CACNG8: variants seen among roughly 807,000 people sequenced by gnomAD.
CACNG8 encodes the protein calcium voltage-gated channel auxiliary subunit gamma 8, also known as voltage-dependent calcium channel gamma-8 subunit.
In CACNG8, 5 loss-of-function variants were observed where a neutral mutation model predicts 26.9. That is an observed-to-expected ratio of 0.19 (90% CI 0.10 to 0.39). The LOEUF (loss-of-function observed/expected upper bound fraction) is 0.39. CACNG8 is among the 10% of genes least tolerant of loss of function. The pLI is 1.00. For synonymous variants in CACNG8, 321 were observed against 296.7 expected, an observed-to-expected ratio of 1.08 and a Z score of -0.84; for missense variants, 473 against 609.4, an observed-to-expected ratio of 0.78 and a Z score of 2.36.
At chr19:53,977,996 G>T in intron 1 of CACNG8, 150 bp from the exon 2 acceptor site, 1 of 602,256 alleles carries the variant, frequency 1.7e-6, no homozygotes, top group Non-Finnish European at 3.1e-6. Flanking sequence ...CCCATATCAC[G>T]AGTCGGGCTC....
Position 53,963,172 on chromosome 19 carries a change from G to T in CACNG8, c.30G>T (p.Glu10Asp). ...AGTCGCTGAAGCGCTGGAACGAAGA[G>T]CGGGGCCTCTGGTGCGAGAAGGGGG... Residue 10 changes from glutamate to aspartate, a missense_variant, in exon 1 of 4, where the codon GAG becomes GAT. Around this residue, in one of 6 missense-constraint regions of CACNG8, gnomAD observed 26 missense variants for 23.8 expected, o/e 1.09. Transcript: ENST00000270458. 6.4e-7 allele frequency: 1 copy of T among 1,564,626 alleles called. No homozygotes were observed. Among genetic ancestry groups the T allele is most frequent in the Non-Finnish European group, 8.6e-7 (1 of 1,157,774 alleles).
At chr19:53,976,084 C>G (rs905223054) in intron 1 of CACNG8, among the ~76,000 whole-genome samples, 2 of 152,240 alleles carry the variant, frequency 1.3e-5, no homozygotes, top group Admixed American at 6.5e-5. Context: ...GTGGCTCATG[C>G]CTGTAGTCCC....
rs1412917394 is a variant in CACNG8 at position 53,982,594 on chromosome 19, G to GGGCGCCGGGGGC, written c.1028_1039dup (p.Ala343_Gly346dup). On this transcript the variant is annotated inframe_insertion, in exon 4 of 4. Transcript: ENST00000270458. This position sits in a 1 kb window ranked among gnomAD's most constrained non-coding sequence, Gnocchi z 8.4. ...TGGGGGCGTTCGGCGGCGCGGCCGG[G>GGGCGCCGGGGGC]GGCGCCGGGGGCGGCGGCGGAGGCG... 1 of 955,524 alleles carries GGGCGCCGGGGGC rather than the reference G, an allele frequency of 1.0e-6. No homozygotes were observed. The highest frequency in any genetic ancestry group is 1.2e-4 in the East Asian group (1 of 8,648). 59.2% of individuals were successfully genotyped at this position (955,524 alleles called of 1,614,324 possible).
At chr19:53,973,247 C>T (rs982980665) in intron 1 of CACNG8, among the ~76,000 whole-genome samples, 3 of 152,108 alleles carry the variant, frequency 2.0e-5, no homozygotes, top group East Asian at 1.9e-4. Flanking sequence ...CCAGGCTGGG[C>T]GCGGTGGCTC....
At position 53,982,707 on chromosome 19, in the gene CACNG8, G is replaced by T; in HGVS notation, c.1136G>T (p.Gly379Val). 1.7e-6 allele frequency: 2 copies of T among 1,155,140 alleles called. No individual in the cohort carries two copies. Among genetic ancestry groups the T allele is most frequent in the Non-Finnish European group, 2.1e-6 (2 of 944,030 alleles). 71.6% of individuals were successfully genotyped at this position (1,155,140 alleles called of 1,614,324 possible). The change falls in exon 4 of 4, where the codon GGC (glycine) becomes GTC (valine). Residue 379 changes from glycine to valine, a missense_variant. By Grantham distance (109) the Gly-to-Val change is moderately radical (BLOSUM62 -3). Around this residue, in one of 6 missense-constraint regions of CACNG8, gnomAD observed 212 missense variants for 214.4 expected, o/e 0.99. Transcript: ENST00000270458. This position sits in a 1 kb window ranked among gnomAD's most constrained non-coding sequence, Gnocchi z 8.4. ...GCCTTCCCCAAGGAGGCGGGCGGCG[G>T]CGTCACGGTCACGGTCACCGGGCCG...
At chr19:53,973,460 T>C (rs1467820148) in intron 1 of CACNG8, among the ~76,000 whole-genome samples, 1 of 151,918 alleles carries the variant, frequency 6.6e-6, no homozygotes, top group Admixed American at 6.6e-5. Flanking sequence ...GAGGGGGAGT[T>C]TGCAGTGAGC....
chr19:53,964,062 G>A lies in CACNG8; in HGVS notation c.283+637G>A, dbSNP rs573084024. ...AGATCCTCCTGCCTTGGCCTCCAAA[G>A]TGCTGGGATGAAGGGCATGAGCCAC... On this transcript the variant is annotated intron_variant, in intron 1 of 3. Coordinates refer to ENST00000270458, the MANE Select transcript of CACNG8 (RefSeq NM_031895.6). Among the ~76,000 whole-genome samples, 9 of 152,074 alleles carry A rather than the reference G, an allele frequency of 5.9e-5. No individual in the cohort carries two copies. The South Asian group carries it at 1.9e-3, about 32-fold the overall frequency.
intron 3 of CACNG8, among the ~76,000 whole-genome samples, chr19:53,981,021 TG>T (rs1181489312): frequency 6.6e-6 from 1 of 151,732 alleles, no homozygotes; most frequent in East Asian, 1.9e-4. Context: ...GCAAGGACCC[TG>T]GCCAAGATCC....
chr19:53,979,233 G>A (rs915561219), intron 2 of CACNG8, among the ~76,000 whole-genome samples: 3 of 148,276 alleles, frequency 2.0e-5, no homozygotes, highest in African/African-American at 5.0e-5. Context: ...AGACATACGA[G>A]GCCAAGCAGA....
intron 1 of CACNG8, among the ~76,000 whole-genome samples, chr19:53,969,510 C>T (rs992241812): frequency 6.6e-6 from 1 of 151,898 alleles, no homozygotes; most frequent in Non-Finnish European, 1.5e-5. Flanking sequence ...CCTCTCACCC[C>T]CGGCCTCTCA....
intron 1 of CACNG8, among the ~76,000 whole-genome samples, chr19:53,971,269 G>T (rs1227370048): frequency 6.8e-6 from 1 of 145,996 alleles, no homozygotes; most frequent in Non-Finnish European, 1.5e-5. Context: ...TCCAGCCTGG[G>T]CAACAGATTG....
chr19:53,975,716 A>C (rs909432497), intron 1 of CACNG8, among the ~76,000 whole-genome samples: 1 of 152,142 alleles, frequency 6.6e-6, no homozygotes, highest in Non-Finnish European at 1.5e-5. Context: ...CTTATTAAGC[A>C]CTCAATATGC....
chr19:53,982,655 G>T lies in CACNG8; in HGVS notation c.1084G>T (p.Ala362Ser). 2 of 1,067,606 alleles carry T rather than the reference G, an allele frequency of 1.9e-6. No individual in the cohort carries two copies. Among genetic ancestry groups the T allele is most frequent in the Non-Finnish European group, 2.3e-6 (2 of 884,820 alleles). 66.1% of individuals were successfully genotyped at this position (1,067,606 alleles called of 1,614,324 possible). The stretch of plus-strand genomic sequence containing the variant: ...GGGTGCCGAGCGGGACCGCGGGGGG[G>T]CGTCCGGCTTCCTCACGCTGCACAA... The change falls in exon 4 of 4, where the codon GCG (alanine) becomes TCG (serine). Residue 362 changes from alanine to serine, a missense_variant. Around this residue, in one of 6 missense-constraint regions of CACNG8, gnomAD observed 212 missense variants for 214.4 expected, o/e 0.99. Transcript: ENST00000270458. This position sits in a 1 kb window ranked among gnomAD's most constrained non-coding sequence, Gnocchi z 8.4.
At chr19:53,981,524 A>T (rs1568802328) in intron 3 of CACNG8, among the ~76,000 whole-genome samples, 1 of 151,982 alleles carries the variant, frequency 6.6e-6, no homozygotes, top group African/African-American at 2.4e-5. Context: ...GGTGGGTCCT[A>T]GACCACCTGG....
At chr19:53,974,447 C>T (rs1159184521) in intron 1 of CACNG8, among the ~76,000 whole-genome samples, 2 of 152,098 alleles carry the variant, frequency 1.3e-5, no homozygotes, top group South Asian at 2.1e-4. Context: ...TGAGTGCCTG[C>T]TTTTAATTCT....
chr19:53,980,307 G>A (rs2069358339), intron 3 of CACNG8, among the ~76,000 whole-genome samples: 2 of 151,974 alleles, frequency 1.3e-5, no homozygotes, highest in African/African-American at 4.8e-5. Context: ...CAAGCCCGCC[G>A]TCCTGGAGAC....
rs1362547891 is a variant in CACNG8, at chr19:53,989,284, A to T, written c.*6435A>T. The T allele has an allele frequency of 6.6e-6, 1 of 150,862 alleles. No individual in the cohort carries two copies. The highest frequency in any genetic ancestry group is 1.9e-4 in the East Asian group (1 of 5,196). The allele number at this position is 150,862 out of a possible 1,614,324, so 9.3% of individuals were successfully genotyped here. A position where few individuals can be genotyped will look rare whatever the true frequency, so the allele number is the denominator to read the frequency against. On this transcript the variant is annotated 3_prime_UTR_variant, in exon 4 of 4. Coordinates refer to ENST00000270458, the MANE Select transcript of CACNG8 (RefSeq NM_031895.6). ...CCTGTCTCAGAAAACAGAAAGAAAG[A>T]AAGTCAAAGAAATAAAGTCAAAGAC...
intron 2 of CACNG8, 84 bp from the exon 3 acceptor site, chr19:53,979,783 G>C: frequency 7.0e-7 from 1 of 1,435,866 alleles, no homozygotes; most frequent in South Asian, 1.4e-5. Context: ...GGCGCCGCGA[G>C]ATGGGGGGCC....
intron 1 of CACNG8, 47 bp downstream of exon 1, chr19:53,963,472 A>C: frequency 7.0e-7 from 1 of 1,420,242 alleles, no homozygotes. Context: ...CTCCCCTCCG[A>C]GAGACCCTGA....
Sources: allele counts gnomAD v4.1 joint callset (sites outside exome capture counted in the v4.1 genomes callset), GRCh38; gene constraint gnomAD v4.1.1; regional missense constraint gnomAD v4.1.1; non-coding constraint Gnocchi (gnomAD v3.1); transcripts MANE v1.5; gene names NCBI Gene and HGNC (gene_info 2026-07-23, HGNC 2026-07-21).